Variants in ZNF37A observed in about 807,000 individuals in gnomAD.
ZNF37A encodes the protein zinc finger protein 37a (KOX 21).
ZNF37A carries 10 observed loss-of-function variants against 12.3 expected under a neutral mutation model. That is an observed-to-expected ratio of 0.82 (90% CI 0.50 to 1.38). The LOEUF (loss-of-function observed/expected upper bound fraction) is 1.38, where lower values mean the gene tolerates loss of function less well. ZNF37A is among the 40% of genes most tolerant of loss of function. The pLI, the probability that ZNF37A is intolerant of heterozygous loss-of-function variation, is 0.00. For synonymous variants in ZNF37A, 207 were observed against 223.0 expected, an observed-to-expected ratio of 0.93 and a Z score of 0.64; for missense variants, 580 against 651.2, an observed-to-expected ratio of 0.89 and a Z score of 1.19.
At chr10:38,127,207 TTTG>T (rs1435197811), downstream of ZNF37A, among the ~76,000 whole-genome samples, 1 of 152,048 alleles carries the variant, frequency 6.6e-6, no homozygotes. Flanking sequence ...CCTAGTGAGA[TTTG>T]TAGTTGTATG....
chr10:38,149,120 G>A (rs2136089872), exon 8 of ZNF37A: 1 of 152,086 alleles, frequency 6.6e-6, no homozygotes, highest in East Asian at 1.9e-4. Context: ...TTACAGATGT[G>A]AGCCACCACA....
rs1217602320 is a variant in ZNF37A, at chr10:38,123,585, G to C, written c.*4748G>C. On this transcript the variant is annotated 3_prime_UTR_variant, in exon 8 of 8. Coordinates refer to ENST00000685332, the MANE Select transcript of ZNF37A (RefSeq NM_001324250.3). ...TTGGGCAGGGACTAATATCCAAACT[G>C]TATCAACATCTGACAAGGTGTTCAC... 1 of 151,744 alleles carries C rather than the reference G, an allele frequency of 6.6e-6. No homozygotes were observed. The highest frequency in any genetic ancestry group is 2.4e-5 in the African/African-American group (1 of 41,264). 9.4% of individuals were successfully genotyped at this position (151,744 alleles called of 1,614,324 possible). A position where few individuals can be genotyped will look rare whatever the true frequency, so the allele number is the denominator to read the frequency against.
chr10:38,112,753 T>TGG lies in ZNF37A; in HGVS notation c.16-2002_16-2001insGG, dbSNP rs1244745793. ...CCATTTTCTTTTCTTTTCTTTTCTT[T>TGG]TCTTTTCTTTTCTTTTCTTTTCTTT... On this transcript the variant is annotated intron_variant, in intron 5 of 7. Transcript: ENST00000685332. Among the ~76,000 whole-genome samples the TGG allele has an allele frequency of 3.7e-3, 235 of 63,818 alleles. 47 individuals are homozygous for TGG. Among genetic ancestry groups the TGG allele is most frequent in the East Asian group, 0.016 (25 of 1,600 alleles). 41.9% of individuals were successfully genotyped at this position (63,818 alleles called of 152,430 possible). A position where few individuals can be genotyped will look rare whatever the true frequency, so the allele number is the denominator to read the frequency against.
Position 38,117,430 on chromosome 10 carries a change from C to T in ZNF37A, c.279C>T (p.Phe93=). 6.3e-7 allele frequency: 1 copy of T among 1,591,946 alleles called. No individual in the cohort carries two copies. The highest frequency in any genetic ancestry group is 8.5e-7 in the Non-Finnish European group (1 of 1,173,554). The part of the protein sequence containing the change: ...NTSRNYSIMK[F]NEFNKGGKCF... Reference sequence around the variant, plus strand: ...GTAGAAACTATTCAATAATGAAGTTCAATGAGTTTAACAAAGGTGGAAAAT... The same window carrying T: ...GTAGAAACTATTCAATAATGAAGTTTAATGAGTTTAACAAAGGTGGAAAAT... The change falls in exon 8 of 8, where the codon TTC becomes TTT. Residue 93 remains phenylalanine, a synonymous_variant. Transcript: ENST00000685332.
intron 5 of ZNF37A, among the ~76,000 whole-genome samples, chr10:38,101,151 A>G (rs1045867962): frequency 6.6e-6 from 1 of 152,178 alleles, no homozygotes; most frequent in African/African-American, 2.4e-5. Context: ...TCAGTTAACC[A>G]TGCCCTTTGA....
chr10:38,127,842 G>A (rs2069950849), downstream of ZNF37A, among the ~76,000 whole-genome samples: 9 of 152,314 alleles, frequency 5.9e-5, 2 homozygotes, highest in South Asian at 1.7e-3. Context: ...AGGTGTGGTC[G>A]TAGTGCCAAG....
intron 5 of ZNF37A, among the ~76,000 whole-genome samples, chr10:38,098,596 T>G (rs1564911010): frequency 6.6e-6 from 1 of 152,198 alleles, no homozygotes; most frequent in African/African-American, 2.4e-5. Flanking sequence ...TCTTCTTTCC[T>G]TCATTAATGT....
At chr10:38,113,718 C>A (rs1413655577) in intron 5 of ZNF37A, among the ~76,000 whole-genome samples, 1 of 152,226 alleles carries the variant, frequency 6.6e-6, no homozygotes, top group East Asian at 1.9e-4. Flanking sequence ...TATAGACAAT[C>A]TACCTCTAAT....
exon 8 of ZNF37A, chr10:38,148,699 C>T (rs1202719166): frequency 6.6e-6 from 1 of 152,238 alleles, no homozygotes; most frequent in African/African-American, 2.4e-5. Flanking sequence ...AATGTCTTAG[C>T]CAGCTGCAGC....
Position 38,123,898 on chromosome 10 carries a change from G to A in ZNF37A, c.*5061G>A, listed in dbSNP as rs1354208974. The stretch of plus-strand genomic sequence containing the variant: ...CTCGTGCACTGTGGAAATGTTATTA[G>A]TACAACCACTATGGACAACAATTTG... On this transcript the variant is annotated 3_prime_UTR_variant, in exon 8 of 8. Coordinates refer to ENST00000685332, the MANE Select transcript of ZNF37A (RefSeq NM_001324250.3). 6 of 152,112 alleles carry A rather than the reference G, an allele frequency of 3.9e-5. No individual in the cohort carries two copies. Among genetic ancestry groups the A allele is most frequent in the Non-Finnish European group, 1.5e-5 (1 of 68,004 alleles). 9.4% of individuals were successfully genotyped at this position (152,112 alleles called of 1,614,324 possible). A position where few individuals can be genotyped will look rare whatever the true frequency, so the allele number is the denominator to read the frequency against.
downstream of ZNF37A, among the ~76,000 whole-genome samples, chr10:38,129,319 A>AAAAAAAAAACAAC: frequency 8.6e-6 from 1 of 116,212 alleles, no homozygotes; most frequent in African/African-American, 3.6e-5. Flanking sequence ...AAAAAAAAAA[A>AAAAAAAAAACAAC]AAACTATTAT....
Position 38,096,589 on chromosome 10 carries a change from TTGCTC to T in ZNF37A, c.-22_-18del. 6.2e-7 allele frequency: 1 copy of T among 1,610,418 alleles called. No individual in the cohort carries two copies. Among genetic ancestry groups the T allele is most frequent in the Non-Finnish European group, 8.5e-7 (1 of 1,178,714 alleles). On this transcript the variant is annotated 5_prime_UTR_variant, in exon 5 of 8. Transcript: ENST00000685332. ...TATTTCTCAGCTACACCCTCACAGT[TTGCTC>T]TGCTCTTCCAACACCAGTGGAAGAT...
At chr10:38,115,066 A>AGT (rs56124182) in intron 6 of ZNF37A, 129 bp from the exon 7 acceptor site, 48,801 of 613,264 alleles carry the variant, frequency 0.08, 1,350 homozygotes, top group South Asian at 0.12. Context: ...GATTAAATGA[A>AGT]GTGTGTGTGT....
rs1285743472 is a variant in ZNF37A, at chr10:38,123,352, A to C, written c.*4515A>C. 6.6e-6 allele frequency: 1 copy of C among 152,270 alleles called. No individual in the cohort carries two copies. The highest frequency in any genetic ancestry group is 1.5e-5 in the Non-Finnish European group (1 of 68,044). The allele number at this position is 152,270 out of a possible 1,614,324, so 9.4% of individuals were successfully genotyped here. A position where few individuals can be genotyped will look rare whatever the true frequency, so the allele number is the denominator to read the frequency against. On this transcript the variant is annotated 3_prime_UTR_variant, in exon 8 of 8. Coordinates refer to ENST00000685332, the MANE Select transcript of ZNF37A (RefSeq NM_001324250.3). ...CAATGTTTAAAGACTTGTTATTAAAATAATAGCAGTTTCTATAAATTTAAT... is the reference window on the plus strand; with the variant it reads ...CAATGTTTAAAGACTTGTTATTAAACTAATAGCAGTTTCTATAAATTTAAT...
chr10:38,131,865 T>C (rs1057158726), intron 7 of ZNF37A, among the ~76,000 whole-genome samples: 3 of 152,142 alleles, frequency 2.0e-5, no homozygotes, highest in African/African-American at 7.2e-5. Flanking sequence ...AATAAATTTA[T>C]TGCAAAGTAT....
chr10:38,132,353 C>T (rs1004970719), intron 7 of ZNF37A, among the ~76,000 whole-genome samples: 12 of 151,978 alleles, frequency 7.9e-5, no homozygotes, highest in South Asian at 4.1e-4. Context: ...TCAACTGAAA[C>T]GATCATGTAT....
chr10:38,117,624 A>C lies in ZNF37A; in HGVS notation c.473A>C (p.Asn158Thr). The C allele has an allele frequency of 1.9e-6, 3 of 1,613,918 alleles. No homozygotes were observed. Among genetic ancestry groups the C allele is most frequent in the Non-Finnish European group, 2.5e-6 (3 of 1,179,962 alleles). Reference protein sequence around the residue: ...YNECGKAFPENSLFLVHKRGY... With the variant: ...YNECGKAFPETSLFLVHKRGY... ...GAATGTGGGAAAGCTTTCCCTGAGA[A>C]TTCACTCTTCCTTGTACATAAGAGA... Residue 158 changes from asparagine (N) to threonine (T), a missense_variant, in exon 8 of 8, where the codon AAT (asparagine) becomes ACT (threonine). Transcript: ENST00000685332.
intron 7 of ZNF37A, among the ~76,000 whole-genome samples, chr10:38,136,862 A>C (rs922391766): frequency 2.0e-5 from 3 of 151,898 alleles, no homozygotes; most frequent in African/African-American, 7.3e-5. Context: ...TTTTCCTCAG[A>C]GTCAGTAATT....
chr10:38,134,975 C>T (rs2070087702), intron 7 of ZNF37A, among the ~76,000 whole-genome samples: 1 of 152,192 alleles, frequency 6.6e-6, no homozygotes, highest in Admixed American at 6.5e-5. Context: ...ATTCTTATCT[C>T]ACTTACTTAT....
Sources: gnomAD v4.1 joint callset for allele counts (sites outside exome capture counted in the v4.1 genomes callset) on GRCh38, gnomAD v4.1.1 for gene constraint, MANE v1.5 for transcripts, NCBI Gene and HGNC (gene_info 2026-07-23, HGNC 2026-07-21) for gene names.